CRIM1: variants seen among roughly 807,000 people sequenced by gnomAD.
CRIM1 encodes the protein cysteine rich transmembrane BMP regulator 1.
A neutral mutation model predicts 116.4 loss-of-function variants in CRIM1; 32 were observed. The observed-to-expected ratio is 0.27, with a 90% CI of 0.21 to 0.37. The LOEUF (loss-of-function observed/expected upper bound fraction) is 0.37, where lower values mean the gene tolerates loss of function less well. CRIM1 is among the 10% of genes least tolerant of loss of function. The pLI, the probability that CRIM1 is intolerant of heterozygous loss-of-function variation, is 1.00. For missense variants in CRIM1, 1,331 were observed against 1,354.8 expected, an observed-to-expected ratio of 0.98 and a Z score of 0.28; for synonymous variants, 590 against 509.2, an observed-to-expected ratio of 1.16 and a Z score of -2.13.
intron 2 of CRIM1, among the ~76,000 whole-genome samples, chr2:36,414,403 T>G (rs1256528236): frequency 1.3e-5 from 2 of 152,236 alleles, no homozygotes; most frequent in African/African-American, 4.8e-5. Flanking sequence ...TTCCTTAATC[T>G]GTTATTCATT....
At chr2:36,546,807 CGCTCT>C (rs1667373845) in intron 15 of CRIM1, among the ~76,000 whole-genome samples, 172 bp from the exon 16 acceptor site, 2 of 138,952 alleles carry the variant, frequency 1.4e-5, no homozygotes, top group African/African-American at 5.4e-5. Flanking sequence ...CATCCCTAAG[CGCTCT>C]GCTCTCTACT....
chr2:36,365,924 A>G (rs973974325), intron 1 of CRIM1, among the ~76,000 whole-genome samples: 1 of 152,076 alleles, frequency 6.6e-6, no homozygotes, highest in Non-Finnish European at 1.5e-5. Flanking sequence ...AGTGGAGACC[A>G]CGTTTCACCA....
intron 7 of CRIM1, among the ~76,000 whole-genome samples, chr2:36,492,815 G>A (rs904769961): frequency 2.6e-5 from 4 of 152,222 alleles, no homozygotes; most frequent in East Asian, 1.9e-4. Context: ...GGATATTCAC[G>A]TTGCTTAACC....
intron 16 of CRIM1, 74 bp from the exon 17 acceptor site, chr2:36,548,451 C>T: frequency 8.7e-7 from 1 of 1,152,018 alleles, no homozygotes; most frequent in Non-Finnish European, 1.2e-6. Context: ...GAGTTAGGTA[C>T]TAAATTTCTG....
At chr2:36,377,103 C>T (rs917958884) in intron 1 of CRIM1, among the ~76,000 whole-genome samples, 9 of 152,204 alleles carry the variant, frequency 5.9e-5, no homozygotes, top group Non-Finnish European at 1.2e-4. Flanking sequence ...CTTGGTCAAC[C>T]CCCAGCCCTG....
chr2:36,432,277 C>T (rs1353279412), intron 2 of CRIM1, among the ~76,000 whole-genome samples: 1 of 152,078 alleles, frequency 6.6e-6, no homozygotes, highest in African/African-American at 2.4e-5. Context: ...GTTCTTTGTA[C>T]ATTTATCTAA....
intron 2 of CRIM1, among the ~76,000 whole-genome samples, chr2:36,411,158 C>T (rs1166248538): frequency 6.6e-6 from 1 of 152,192 alleles, no homozygotes; most frequent in East Asian, 1.9e-4. Flanking sequence ...TTGCTAATTA[C>T]AATAGGACCT....
At chr2:36,540,498 G>C (rs112612395) in intron 14 of CRIM1, among the ~76,000 whole-genome samples, 185 of 152,326 alleles carry the variant, frequency 1.2e-3, no homozygotes, top group African/African-American at 4.2e-3. Flanking sequence ...CAAGACCTGA[G>C]ATGGGAAAAG....
chr2:36,412,827 A>G (rs1211384388), intron 2 of CRIM1, among the ~76,000 whole-genome samples: 1 of 152,116 alleles, frequency 6.6e-6, no homozygotes, highest in Non-Finnish European at 1.5e-5. Flanking sequence ...TATATTTCCC[A>G]TGAGCTGAGG....
At chr2:36,499,387 A>G in intron 8 of CRIM1, 40 bp downstream of exon 8, 1 of 1,595,078 alleles carries the variant, frequency 6.3e-7, no homozygotes, top group Non-Finnish European at 8.6e-7. Flanking sequence ...CTGAGGCCTA[A>G]TATGATATTG....
chr2:36,463,864 C>T (rs1009877133), intron 4 of CRIM1, among the ~76,000 whole-genome samples: 7 of 152,168 alleles, frequency 4.6e-5, no homozygotes, highest in Admixed American at 3.9e-4. Context: ...AAAATTAAGA[C>T]TTTCAGCTTC....
At chr2:36,533,576 A>G (rs1666266829) in intron 13 of CRIM1, among the ~76,000 whole-genome samples, 1 of 152,326 alleles carries the variant, frequency 6.6e-6, no homozygotes, top group East Asian at 1.9e-4. Flanking sequence ...CCTGGGCAAC[A>G]GAGTGAGACC....
chr2:36,474,846 T>TAAAAAAAAAAA (rs1491569018), intron 5 of CRIM1, among the ~76,000 whole-genome samples: 1 of 17,320 alleles, frequency 5.8e-5, no homozygotes, highest in East Asian at 0.01. Flanking sequence ...AGACTCTATA[T>TAAAAAAAAAAA]CAAAAAAAAA....
chr2:36,382,886 A>G (rs565661032), intron 1 of CRIM1, among the ~76,000 whole-genome samples: 147 of 152,362 alleles, frequency 9.6e-4, no homozygotes, highest in Non-Finnish European at 1.6e-3. Flanking sequence ...ATTGTTCATT[A>G]CATAGGATAT....
At chr2:36,457,143 A>T (rs775838031) in intron 4 of CRIM1, among the ~76,000 whole-genome samples, 1 of 151,942 alleles carries the variant, frequency 6.6e-6, no homozygotes, top group African/African-American at 2.4e-5. Flanking sequence ...TTTTATTTTT[A>T]TTTATTTTAT....
At chr2:36,417,484 G>GTTACCTTTCTC (rs1673708058) in intron 2 of CRIM1, among the ~76,000 whole-genome samples, 1 of 152,132 alleles carries the variant, frequency 6.6e-6, no homozygotes, top group Admixed American at 6.5e-5. Flanking sequence ...TTCAATTTCT[G>GTTACCTTTCTC]TTACCTTTCT....
intron 4 of CRIM1, among the ~76,000 whole-genome samples, chr2:36,454,767 G>C (rs1393517029): frequency 6.6e-6 from 1 of 152,040 alleles, no homozygotes; most frequent in East Asian, 1.9e-4. Context: ...TTACCCTTTG[G>C]CATGGAATGA....
intron 1 of CRIM1, among the ~76,000 whole-genome samples, chr2:36,366,051 C>T (rs1458991686): frequency 1.3e-5 from 2 of 152,232 alleles, no homozygotes; most frequent in African/African-American, 4.8e-5. Context: ...TTAACTGTGA[C>T]TCTTTCCTTT....
At chr2:36,505,650 A>G (rs1037383404) in intron 8 of CRIM1, among the ~76,000 whole-genome samples, 1 of 53,290 alleles carries the variant, frequency 1.9e-5, no homozygotes, top group African/African-American at 7.2e-5. Flanking sequence ...TCACGAAAAC[A>G]TCACCAAACT....
Sources: gnomAD v4.1 joint callset for allele counts (sites outside exome capture counted in the v4.1 genomes callset) on GRCh38, gnomAD v4.1.1 for gene constraint, MANE v1.5 for transcripts, NCBI Gene and HGNC (gene_info 2026-07-23, HGNC 2026-07-21) for gene names.